Variants in PTPRN2 observed in about 807,000 individuals in gnomAD.
PTPRN2 encodes receptor-type tyrosine-protein phosphatase N2.
PTPRN2 carries 74 observed loss-of-function variants against 118.8 expected under a neutral mutation model. The observed-to-expected ratio is 0.62, with a 90% CI of 0.52 to 0.76. PTPRN2 has a LOEUF of 0.76. Ranked by LOEUF, PTPRN2 falls within the 30% of genes least tolerant of loss-of-function variation. The probability of loss-of-function intolerance (pLI) is 0.00; values close to 1 mark genes in which losing one functional copy is unlikely to be tolerated. For missense variants in PTPRN2, 1,481 were observed against 1,394.4 expected, an observed-to-expected ratio of 1.06 and a Z score of -0.99; for synonymous variants, 641 against 608.0, an observed-to-expected ratio of 1.05 and a Z score of -0.80.
chr7:158,529,583 T>C lies in PTPRN2; in HGVS notation c.113-39798A>G, dbSNP rs1328910611. ...GCATTTTTGACCAAAATGAGTCAAA[T>C]GTGGGGAGAGTGGCAACTGTGTGAG... On this transcript the variant is annotated intron_variant, in intron 1 of 22. Coordinates refer to ENST00000389418, the MANE Select transcript of PTPRN2 (RefSeq NM_002847.5). The surrounding 1 kb of genome is among the most constrained non-coding windows in gnomAD (Gnocchi z 4.7). 6.6e-6 allele frequency among the ~76,000 whole-genome samples: 1 copy of C among 152,236 alleles called. No individual in the cohort carries two copies. The highest frequency in any genetic ancestry group is 1.5e-5 in the Non-Finnish European group (1 of 68,050).
intron 3 of PTPRN2, among the ~76,000 whole-genome samples, chr7:158,304,142 T>A (rs1010197981): frequency 4.0e-5 from 6 of 148,970 alleles, no homozygotes; most frequent in Admixed American, 4.0e-4. Context: ...AAGACATCCA[T>A]CAATACACAT....
chr7:158,200,932 A>G (rs567277611), intron 4 of PTPRN2, among the ~76,000 whole-genome samples: 32 of 152,246 alleles, frequency 2.1e-4, no homozygotes, highest in East Asian at 1.7e-3. Flanking sequence ...TATTTTTTTA[A>G]AAATGAATAA....
At chr7:158,268,835 G>A (rs1798095435) in intron 3 of PTPRN2, among the ~76,000 whole-genome samples, 2 of 137,746 alleles carry the variant, frequency 1.5e-5, no homozygotes, top group African/African-American at 5.7e-5. Flanking sequence ...CAGGGTGGGT[G>A]TGAAATATCC....
intron 9 of PTPRN2, among the ~76,000 whole-genome samples, chr7:158,112,375 A>T (rs1430283004): frequency 2.0e-5 from 3 of 152,184 alleles, no homozygotes. Flanking sequence ...CAGAGAAGGC[A>T]AGGGGGCCGC....
chr7:158,284,254 C>A (rs1480482918), intron 3 of PTPRN2, among the ~76,000 whole-genome samples: 2 of 152,180 alleles, frequency 1.3e-5, no homozygotes, highest in East Asian at 3.9e-4. Context: ...AGCTGGTGGG[C>A]ACTGGGCACT....
chr7:157,607,329 G>A (rs905931162), intron 15 of PTPRN2, among the ~76,000 whole-genome samples: 1 of 152,226 alleles, frequency 6.6e-6, no homozygotes, highest in African/African-American at 2.4e-5. Context: ...TGGGCCCGGT[G>A]CTGCAGCCCA....
At position 157,619,090 on chromosome 7, in the gene PTPRN2, C is replaced by T. The variant is rs1455504286; in HGVS notation, c.2344+2272G>A. ...AGGCTGCCTGTGTCCCATCTGAGCACGGACCACTTCACCATCACTAGGTCC... is the reference window on the plus strand; with the variant it reads ...AGGCTGCCTGTGTCCCATCTGAGCATGGACCACTTCACCATCACTAGGTCC... On this transcript the variant is annotated intron_variant, in intron 15 of 22. Coordinates refer to ENST00000389418, the MANE Select transcript of PTPRN2 (RefSeq NM_002847.5). This position sits in a 1 kb window ranked among gnomAD's most constrained non-coding sequence, Gnocchi z 5.3. Among the ~76,000 whole-genome samples the T allele has an allele frequency of 3.9e-5, 6 of 152,062 alleles. No individual in the cohort carries two copies. The highest frequency in any genetic ancestry group is 5.9e-5 in the Non-Finnish European group (4 of 68,014).
chr7:158,124,187 G>A (rs1054381204), intron 9 of PTPRN2, among the ~76,000 whole-genome samples: 3 of 152,242 alleles, frequency 2.0e-5, no homozygotes, highest in African/African-American at 7.2e-5. Context: ...GGCCTAAGTA[G>A]GCCCTAAAGG....
At chr7:157,912,853 C>T (rs375064174) in intron 11 of PTPRN2, among the ~76,000 whole-genome samples, 5 of 152,314 alleles carry the variant, frequency 3.3e-5, no homozygotes, top group African/African-American at 1.2e-4. Context: ...AGGTGTCTCT[C>T]CGTGCACAGA....
At chr7:158,113,436 T>C (rs954345884) in intron 9 of PTPRN2, among the ~76,000 whole-genome samples, 3 of 152,132 alleles carry the variant, frequency 2.0e-5, no homozygotes, top group Non-Finnish European at 2.9e-5. Context: ...GTGCTGGATG[T>C]AGGGCATGGC....
At chr7:157,559,040 C>T (rs946894920) in intron 21 of PTPRN2, among the ~76,000 whole-genome samples, 1 of 152,248 alleles carries the variant, frequency 6.6e-6, no homozygotes. Flanking sequence ...GGATCGCTGC[C>T]CTTCCCACAC....
intron 12 of PTPRN2, among the ~76,000 whole-genome samples, chr7:157,762,109 G>C (rs1206354251): frequency 1.3e-5 from 2 of 151,854 alleles, no homozygotes; most frequent in Non-Finnish European, 2.9e-5. Flanking sequence ...TGCTGGAGAG[G>C]GTGTGGAGAA....
At chr7:157,906,057 G>A (rs891009400) in intron 11 of PTPRN2, among the ~76,000 whole-genome samples, 1 of 152,200 alleles carries the variant, frequency 6.6e-6, no homozygotes, top group Non-Finnish European at 1.5e-5. Context: ...GGACCTCTGT[G>A]GACTCTGCCC....
At chr7:158,198,231 T>C (rs1173854598) in intron 4 of PTPRN2, among the ~76,000 whole-genome samples, 1 of 152,234 alleles carries the variant, frequency 6.6e-6, no homozygotes, top group African/African-American at 2.4e-5. Context: ...TTGTTTGTGA[T>C]GCTGCAGTAT....
At position 157,660,948 on chromosome 7, in the gene PTPRN2, T is replaced by A. The variant is rs531575403; in HGVS notation, c.2002-4397A>T. Among the ~76,000 whole-genome samples, 52 of 152,340 alleles carry A rather than the reference T, an allele frequency of 3.4e-4. No homozygotes were observed. The South Asian group carries it at 4.8e-3, about 14-fold the overall frequency. On this transcript the variant is annotated intron_variant, in intron 13 of 22. Coordinates refer to ENST00000389418, the MANE Select transcript of PTPRN2 (RefSeq NM_002847.5). Reference sequence around the variant, plus strand: ...TTTTGTATTTTTAGTAGAGACGGGCTTCACCACGTTGGCCAGGCTGATCTT... The same window carrying A: ...TTTTGTATTTTTAGTAGAGACGGGCATCACCACGTTGGCCAGGCTGATCTT...
chr7:158,062,949 A>G (rs1367947118), intron 11 of PTPRN2, among the ~76,000 whole-genome samples: 1 of 152,182 alleles, frequency 6.6e-6, no homozygotes, highest in Non-Finnish European at 1.5e-5. Flanking sequence ...AAGGCTGAGG[A>G]GTGTGGGCTC....
rs530090302 is a variant in PTPRN2 at position 157,850,011 on chromosome 7, G to A, written c.1788+48662C>T. ...TTCCAAGGATTGGAGCATCTTACAC[G>A]TTTTTTATTTCAGTTTAAACCACTT... On this transcript the variant is annotated intron_variant, in intron 12 of 22. Coordinates refer to ENST00000389418, the MANE Select transcript of PTPRN2 (RefSeq NM_002847.5). Among the ~76,000 whole-genome samples, 5 of 152,268 alleles carry A rather than the reference G, an allele frequency of 3.3e-5. No individual in the cohort carries two copies. In the East Asian group the frequency reaches 5.8e-4, roughly 18 times the overall value.
chr7:157,948,588 G>T (rs188716387), intron 11 of PTPRN2, among the ~76,000 whole-genome samples: 116 of 152,312 alleles, frequency 7.6e-4, no homozygotes, highest in Admixed American at 1.5e-3. Flanking sequence ...AGTGGCAGAA[G>T]TAAATCCTTC....
chr7:158,123,031 T>C (rs1468489006), intron 9 of PTPRN2, among the ~76,000 whole-genome samples: 2 of 152,158 alleles, frequency 1.3e-5, no homozygotes, highest in Admixed American at 6.5e-5. Flanking sequence ...ATCTGGGACA[T>C]TTTACTATTT....
Sources: allele counts gnomAD v4.1 joint callset (sites outside exome capture counted in the v4.1 genomes callset), GRCh38; gene constraint gnomAD v4.1.1; non-coding constraint Gnocchi (gnomAD v3.1); transcripts MANE v1.5; gene names NCBI Gene and HGNC (gene_info 2026-07-23, HGNC 2026-07-21).